Variants in KDM1B observed in about 807,000 individuals in gnomAD.
The protein encoded by KDM1B is lysine demethylase 1B, also known as lysine-specific histone demethylase 2.
A neutral mutation model predicts 107.4 loss-of-function variants in KDM1B; 63 were observed. The observed-to-expected ratio is 0.59, with a 90% CI of 0.48 to 0.72. KDM1B has a LOEUF of 0.72. KDM1B is among the 30% of genes least tolerant of loss of function. KDM1B has a pLI of 0.00. For missense variants in KDM1B, 749 were observed against 1,020.8 expected, an observed-to-expected ratio of 0.73 and a Z score of 3.63; for synonymous variants, 363 against 363.9, an observed-to-expected ratio of 1.00 and a Z score of 0.03.
chr6:18,197,461 A>G lies in KDM1B; in HGVS notation c.1147-126A>G. On this transcript the variant is annotated intron_variant, in intron 11 of 21. Coordinates refer to ENST00000650836, the MANE Select transcript of KDM1B (RefSeq NM_001364614.2). This position sits in a 1 kb window ranked among gnomAD's most constrained non-coding sequence, Gnocchi z 4.5. The stretch of plus-strand genomic sequence containing the variant: ...GACAAGTGCCACCACATTCTTTAGG[A>G]AAATAACTTTCTAAGGACATCAAAG... 1.2e-6 allele frequency: 1 copy of G among 852,730 alleles called. No homozygotes were observed. The highest frequency in any genetic ancestry group is 1.9e-6 in the Non-Finnish European group (1 of 527,652). 52.8% of individuals were successfully genotyped at this position (852,730 alleles called of 1,614,324 possible).
chr6:18,193,765 G>T (rs777532468), intron 10 of KDM1B, among the ~76,000 whole-genome samples: 2 of 152,066 alleles, frequency 1.3e-5, no homozygotes, highest in Non-Finnish European at 2.9e-5. Context: ...GAGCTGCTTG[G>T]TGCCTGTTCT....
intron 7 of KDM1B, among the ~76,000 whole-genome samples, chr6:18,182,980 T>G (rs1438099653): frequency 6.6e-6 from 1 of 152,240 alleles, no homozygotes; most frequent in Non-Finnish European, 1.5e-5. Flanking sequence ...CTGTGCTATT[T>G]TTGAGTATAT....
At chr6:18,167,104 C>A (rs1785348223) in intron 6 of KDM1B, among the ~76,000 whole-genome samples, 2 of 152,140 alleles carry the variant, frequency 1.3e-5, no homozygotes, top group South Asian at 4.1e-4. Flanking sequence ...CACCTGTCAT[C>A]CTAGCACTTT....
chr6:18,185,718 C>T (rs1205338967), intron 7 of KDM1B, 54 bp from the exon 8 acceptor site: 1 of 1,474,524 alleles, frequency 6.8e-7, no homozygotes, highest in African/African-American at 1.4e-5. Flanking sequence ...AAATGGATAC[C>T]TGAGACTATA....
chr6:18,157,259 C>T (rs1784677596), intron 2 of KDM1B, among the ~76,000 whole-genome samples: 1 of 152,278 alleles, frequency 6.6e-6, no homozygotes, highest in South Asian at 2.1e-4. Flanking sequence ...GCCAAAAGTT[C>T]TGAGAATGGA....
chr6:18,155,830 G>C lies in KDM1B; in HGVS notation c.-57-53G>C. On this transcript the variant is annotated intron_variant, in intron 1 of 21. Transcript: ENST00000650836. This position sits in a 1 kb window ranked among gnomAD's most constrained non-coding sequence, Gnocchi z 6.2. ...GTTGGGGCGTGGGGTCGCCGGGTTC[G>C]TCGCGATGTTGCCGGTCGGCTAACC... 1 of 150,904 alleles carries C rather than the reference G, an allele frequency of 6.6e-6. No individual in the cohort carries two copies. Among genetic ancestry groups the C allele is most frequent in the African/African-American group, 2.4e-5 (1 of 40,908 alleles). The allele number at this position is 150,904 out of a possible 1,614,324, so 9.3% of individuals were successfully genotyped here.
At chr6:18,208,411 G>A in intron 17 of KDM1B, among the ~76,000 whole-genome samples, 1 of 151,426 alleles carries the variant, frequency 6.6e-6, no homozygotes, top group Non-Finnish European at 1.5e-5. Context: ...TAGACTCATG[G>A]CAGATGGAAT....
chr6:18,185,197 A>G (rs1036332387), intron 7 of KDM1B, among the ~76,000 whole-genome samples: 8 of 152,026 alleles, frequency 5.3e-5, no homozygotes, highest in Non-Finnish European at 2.9e-5. Context: ...ATGATTGTGC[A>G]TTTTAAATGT....
At position 18,201,363 on chromosome 6, in the gene KDM1B, C is replaced by G. The variant is rs959468748; in HGVS notation, c.1360-123C>G. On this transcript the variant is annotated intron_variant, in intron 13 of 21. Transcript: ENST00000650836. The surrounding 1 kb of genome is among the most constrained non-coding windows in gnomAD (Gnocchi z 4.3). The stretch of plus-strand genomic sequence containing the variant: ...GCCATTCCCCGTGAAGCATATTTAG[C>G]TTTATTTTTGAGAGATATGAGACCA... The G allele has an allele frequency of 7.4e-6, 5 of 677,564 alleles. No individual in the cohort carries two copies. Among genetic ancestry groups the G allele is most frequent in the Admixed American group, 6.2e-5 (2 of 32,230 alleles). The allele number at this position is 677,564 out of a possible 1,614,324, so 42.0% of individuals were successfully genotyped here.
At position 18,197,545 on chromosome 6, in the gene KDM1B, A is replaced by G. The variant is rs1453184616; in HGVS notation, c.1147-42A>G. 4 of 1,482,768 alleles carry G rather than the reference A, an allele frequency of 2.7e-6. No individual in the cohort carries two copies. The African/African-American group carries it at 4.1e-5, about 15-fold the overall frequency. 91.9% of individuals were successfully genotyped at this position (1,482,768 alleles called of 1,614,324 possible). A position where few individuals can be genotyped will look rare whatever the true frequency, so the allele number is the denominator to read the frequency against. On this transcript the variant is annotated intron_variant, in intron 11 of 21. Transcript: ENST00000650836. This position sits in a 1 kb window ranked among gnomAD's most constrained non-coding sequence, Gnocchi z 4.5. ...GGAACAACTAAAACAGGACGTTGTTATCATCTGCTCTAATTGGACTTTTGT... is the reference window on the plus strand; with the variant it reads ...GGAACAACTAAAACAGGACGTTGTTGTCATCTGCTCTAATTGGACTTTTGT...
rs1786843931 is a variant in KDM1B, at chr6:18,186,249, G to C, written c.573+439G>C. On this transcript the variant is annotated intron_variant, in intron 8 of 21. Coordinates refer to ENST00000650836, the MANE Select transcript of KDM1B (RefSeq NM_001364614.2). This position sits in a 1 kb window ranked among gnomAD's most constrained non-coding sequence, Gnocchi z 5.6. ...GACCTCAGCATGTTGGCTTTGTCCT[G>C]TCCTCATGCAGATATGGCAGGGGGA... 1.3e-5 allele frequency among the ~76,000 whole-genome samples: 2 copies of C among 152,160 alleles called. No homozygotes were observed. The highest frequency in any genetic ancestry group is 4.8e-5 in the African/African-American group (2 of 41,430).
intron 6 of KDM1B, among the ~76,000 whole-genome samples, chr6:18,167,201 A>G (rs946867884): frequency 2.6e-5 from 4 of 151,870 alleles, no homozygotes; most frequent in African/African-American, 9.7e-5. Context: ...CTAAAAAAAT[A>G]CAAAAATTAG....
Position 18,205,307 on chromosome 6 carries a change from G to A in KDM1B, c.1532-230G>A, listed in dbSNP as rs1173366936. 6.6e-6 allele frequency among the ~76,000 whole-genome samples: 1 copy of A among 151,934 alleles called. No homozygotes were observed. The highest frequency in any genetic ancestry group is 1.5e-5 in the Non-Finnish European group (1 of 68,012). On this transcript the variant is annotated intron_variant, in intron 14 of 21. Coordinates refer to ENST00000650836, the MANE Select transcript of KDM1B (RefSeq NM_001364614.2). The surrounding 1 kb of genome is among the most constrained non-coding windows in gnomAD (Gnocchi z 5.7). ...TAGCTTTGTTTCCGGTTGTGCACAT[G>A]TACCCTAAAACTTAAAGTATAATAA...
Position 18,162,991 on chromosome 6 carries a change from C to T in KDM1B, c.305+67C>T, listed in dbSNP as rs775010217. 2.1e-6 allele frequency: 2 copies of T among 938,140 alleles called. No homozygotes were observed. The highest frequency in any genetic ancestry group is 3.5e-6 in the Non-Finnish European group (2 of 566,504). The allele number at this position is 938,140 out of a possible 1,614,324, so 58.1% of individuals were successfully genotyped here. A position where few individuals can be genotyped will look rare whatever the true frequency, so the allele number is the denominator to read the frequency against. On this transcript the variant is annotated intron_variant, in intron 5 of 21. Coordinates refer to ENST00000650836, the MANE Select transcript of KDM1B (RefSeq NM_001364614.2). This position sits in a 1 kb window ranked among gnomAD's most constrained non-coding sequence, Gnocchi z 4.1. ...CCGTGGCAGGGGCAGTGCGTGTGGTCAGCTGATTAAAGCTTAGTCTCGAGG... is the reference window on the plus strand; with the variant it reads ...CCGTGGCAGGGGCAGTGCGTGTGGTTAGCTGATTAAAGCTTAGTCTCGAGG...
chr6:18,176,296 A>G (rs1350187655), intron 7 of KDM1B, among the ~76,000 whole-genome samples: 4 of 152,160 alleles, frequency 2.6e-5, no homozygotes, highest in Non-Finnish European at 4.4e-5. Flanking sequence ...ATCTGTGTAC[A>G]TTAATCTTGT....
chr6:18,192,262 CA>C (rs1418253468), intron 10 of KDM1B, among the ~76,000 whole-genome samples: 1 of 151,912 alleles, frequency 6.6e-6, no homozygotes, highest in Non-Finnish European at 1.5e-5. Context: ...ACCCTGTTTC[CA>C]AAAAAACCCA....
chr6:18,213,836 A>G lies in KDM1B; in HGVS notation c.2109+55A>G, dbSNP rs1789030568. ...TTTCCGTCTTAAAGTTTAGAATTTG[A>G]TGTGATAATTACTCACCTATCAAGC... On this transcript the variant is annotated intron_variant, in intron 19 of 21. Coordinates refer to ENST00000650836, the MANE Select transcript of KDM1B (RefSeq NM_001364614.2). The surrounding 1 kb of genome is among the most constrained non-coding windows in gnomAD (Gnocchi z 5.9). 1.3e-6 allele frequency: 2 copies of G among 1,593,708 alleles called. No homozygotes were observed. The highest frequency in any genetic ancestry group is 1.7e-5 in the Admixed American group (1 of 59,834).
rs1448657641 is a variant in KDM1B, at chr6:18,203,705, T to C, written c.1532-1832T>C. ...CTGTCTCTACTAATAATACAAAAAT[T>C]AGTCGAGCATGGTGGTGCATGCCTG... is the stretch of plus-strand genomic sequence containing the variant. On this transcript the variant is annotated intron_variant, in intron 14 of 21. Coordinates refer to ENST00000650836, the MANE Select transcript of KDM1B (RefSeq NM_001364614.2). The surrounding 1 kb of genome is among the most constrained non-coding windows in gnomAD (Gnocchi z 5.5). 5.3e-5 allele frequency among the ~76,000 whole-genome samples: 8 copies of C among 151,818 alleles called. No homozygotes were observed. The highest frequency in any genetic ancestry group is 4.4e-5 in the Non-Finnish European group (3 of 67,968).
intron 9 of KDM1B, 83 bp downstream of exon 9, chr6:18,188,085 A>T (rs1786996740): frequency 4.7e-6 from 6 of 1,273,370 alleles, no homozygotes; most frequent in Admixed American, 4.0e-5. Context: ...AACGCAAAGG[A>T]TTTTTTTTAA....
Sources: allele counts gnomAD v4.1 joint callset (sites outside exome capture counted in the v4.1 genomes callset), GRCh38; gene constraint gnomAD v4.1.1; non-coding constraint Gnocchi (gnomAD v3.1); transcripts MANE v1.5; gene names NCBI Gene and HGNC (gene_info 2026-07-23, HGNC 2026-07-21).